The following RNF130 variants were observed in gnomAD, a reference collection of about 807,000 sequenced individuals.
RNF130 encodes the protein E3 ubiquitin-protein ligase RNF130.
RNF130 carries 21 observed loss-of-function variants against 44.6 expected under a neutral mutation model. The observed-to-expected ratio is 0.47, with a 90% CI of 0.33 to 0.68. RNF130 has a LOEUF of 0.68. RNF130 is among the 30% of genes least tolerant of loss of function. The probability of loss-of-function intolerance (pLI) is 0.02; values close to 1 mark genes in which losing one functional copy is unlikely to be tolerated. For missense variants in RNF130, 479 were observed against 560.6 expected (o/e 0.85, Z 1.47); for synonymous variants, 214 against 210.4 (o/e 1.02, Z -0.15).
chr5:179,931,233 G>A (rs995832838), intron 7 of RNF130, among the ~76,000 whole-genome samples: 15 of 152,062 alleles, frequency 9.9e-5, no homozygotes, highest in African/African-American at 3.6e-4. Context: ...CACTGATGGC[G>A]ATACAGTGTG....
intron 5 of RNF130, among the ~76,000 whole-genome samples, 176 bp downstream of exon 5, chr5:179,978,027 G>A (rs1243443607): frequency 6.6e-6 from 1 of 152,224 alleles, no homozygotes; most frequent in South Asian, 2.1e-4. Flanking sequence ...CGCACCTGCT[G>A]AACAGCACCA....
intron 7 of RNF130, among the ~76,000 whole-genome samples, chr5:179,924,932 A>G (rs926321186): frequency 3.9e-5 from 6 of 152,206 alleles, no homozygotes; most frequent in Non-Finnish European, 5.9e-5. Context: ...AGCCCCCAGA[A>G]GCATCAGCAC....
rs1762752739 is a variant in RNF130 at position 179,977,941 on chromosome 5, C to G, written c.848+262G>C. Among the ~76,000 whole-genome samples the G allele has an allele frequency of 6.6e-6, 1 of 152,240 alleles. No homozygotes were observed. Among genetic ancestry groups the G allele is most frequent in the African/African-American group, 2.4e-5 (1 of 41,468 alleles). ...AACAAGAATTCTCGACCTCAACACT[C>G]CTAGGCTGTGTCTGGGGAGTCTGGA... On this transcript the variant is annotated intron_variant, in intron 5 of 8. Transcript: ENST00000521389. The surrounding 1 kb of genome is among the most constrained non-coding windows in gnomAD (Gnocchi z 4.1).
At chr5:180,061,591 C>T (rs1375882764) in intron 1 of RNF130, among the ~76,000 whole-genome samples, 1 of 152,180 alleles carries the variant, frequency 6.6e-6, no homozygotes, top group Non-Finnish European at 1.5e-5. Context: ...TTGCACCCGC[C>T]GGTTTGTGGC....
intron 1 of RNF130, among the ~76,000 whole-genome samples, chr5:180,065,751 C>T (rs1765090762): frequency 6.8e-6 from 1 of 146,074 alleles, no homozygotes; most frequent in Non-Finnish European, 1.5e-5. Flanking sequence ...CAGAGTGAGA[C>T]TCTGTCTCAA....
intron 1 of RNF130, among the ~76,000 whole-genome samples, chr5:180,066,655 G>A (rs936734920): frequency 2.6e-5 from 4 of 152,010 alleles, no homozygotes; most frequent in Non-Finnish European, 5.9e-5. Context: ...GATGAACATG[G>A]AGAAACCCCA....
intron 3 of RNF130, among the ~76,000 whole-genome samples, chr5:179,985,039 TG>T (rs1762922473): frequency 6.6e-6 from 1 of 152,082 alleles, no homozygotes; most frequent in African/African-American, 2.4e-5. Context: ...TTGAACAACA[TG>T]GAAACACCCA....
At chr5:179,968,307 A>T (rs995811300) in intron 6 of RNF130, among the ~76,000 whole-genome samples, 1 of 151,598 alleles carries the variant, frequency 6.6e-6, no homozygotes, top group Admixed American at 6.6e-5. Context: ...CAAACAAACA[A>T]ACAAACAAAA....
Position 179,996,399 on chromosome 5 carries a change from C to T in RNF130, c.694-16199G>A, listed in dbSNP as rs909199628. On this transcript the variant is annotated intron_variant, in intron 3 of 8. Transcript: ENST00000521389. ...AAAGTGGGCATCCTGTGTTTTTCCA[C>T]ATCTTAGTGGAAACGTTTTCAGCTT... 5.3e-5 allele frequency among the ~76,000 whole-genome samples: 8 copies of T among 152,198 alleles called. No homozygotes were observed. The South Asian group carries it at 6.2e-4, about 12-fold the overall frequency.
intron 3 of RNF130, among the ~76,000 whole-genome samples, chr5:180,003,097 A>T (rs890527494): frequency 2.2e-4 from 33 of 152,116 alleles, no homozygotes; most frequent in African/African-American, 8.0e-4. Context: ...GGTCTCTAAT[A>T]TTTCAGAGAC....
chr5:179,950,911 T>C (rs781551151), downstream of RNF130, among the ~76,000 whole-genome samples: 1 of 152,220 alleles, frequency 6.6e-6, no homozygotes, highest in East Asian at 1.9e-4. Context: ...AGAATTGCTT[T>C]GATCTCCACT....
chr5:179,961,613 G>A (rs1344325657), intron 8 of RNF130, among the ~76,000 whole-genome samples: 3 of 152,172 alleles, frequency 2.0e-5, no homozygotes, highest in Non-Finnish European at 4.4e-5. Context: ...AGTGCCTAGT[G>A]TAATTATTTG....
At chr5:179,988,894 C>T (rs1763014529) in intron 3 of RNF130, among the ~76,000 whole-genome samples, 1 of 152,156 alleles carries the variant, frequency 6.6e-6, no homozygotes, top group African/African-American at 2.4e-5. Flanking sequence ...TCTGTTACGT[C>T]CATTTGGTAT....
chr5:180,033,469 AT>A (rs1764178531), intron 2 of RNF130, among the ~76,000 whole-genome samples: 1 of 152,222 alleles, frequency 6.6e-6, no homozygotes, highest in Admixed American at 6.5e-5. Flanking sequence ...CATGCCTGTA[AT>A]CGCAACACTT....
chr5:180,021,679 A>G (rs748464065), intron 2 of RNF130, among the ~76,000 whole-genome samples: 3 of 152,130 alleles, frequency 2.0e-5, no homozygotes, highest in Non-Finnish European at 4.4e-5. Context: ...AATATCATAT[A>G]AAAACTTTTA....
chr5:180,016,978 C>T (rs889137814), intron 2 of RNF130, among the ~76,000 whole-genome samples: 4 of 152,158 alleles, frequency 2.6e-5, no homozygotes, highest in Non-Finnish European at 5.9e-5. Flanking sequence ...ATAGATGGTC[C>T]ATTTTCAGGT....
chr5:179,921,803 A>G (rs1761634953), intron 7 of RNF130, among the ~76,000 whole-genome samples: 1 of 149,198 alleles, frequency 6.7e-6, no homozygotes, highest in Non-Finnish European at 1.5e-5. Context: ...TGGGTGGATC[A>G]CGAGATCAGG....
exon 8 of RNF130, chr5:179,913,890 T>G (rs1029497255): frequency 6.6e-6 from 1 of 152,034 alleles, no homozygotes; most frequent in Non-Finnish European, 1.5e-5. Context: ...AGGTGTGGAT[T>G]TGGGGGCTCA....
intron 2 of RNF130, among the ~76,000 whole-genome samples, chr5:180,038,991 T>C (rs1259302561): frequency 3.9e-5 from 6 of 152,194 alleles, no homozygotes; most frequent in African/African-American, 1.4e-4. Flanking sequence ...AACCGGCACC[T>C]GCTCTGAAAC....
Sources: allele counts gnomAD v4.1 joint callset (sites outside exome capture counted in the v4.1 genomes callset), GRCh38; gene constraint gnomAD v4.1.1; non-coding constraint Gnocchi (gnomAD v3.1); transcripts MANE v1.5; gene names NCBI Gene and HGNC (gene_info 2026-07-23, HGNC 2026-07-21).